LRRC1: variants seen among roughly 807,000 people sequenced by gnomAD.
LRRC1 encodes the protein leucine-rich repeat-containing protein 1.
In LRRC1, 28 loss-of-function variants were observed where a neutral mutation model predicts 69.9. That is an observed-to-expected ratio of 0.40 (90% CI 0.30 to 0.55). The LOEUF (loss-of-function observed/expected upper bound fraction) is 0.55, where lower values mean the gene tolerates loss of function less well. Among genes scored for constraint, LRRC1 ranks in the 20% least tolerant of loss-of-function variants. The pLI is 0.47. For missense variants in LRRC1, 498 were observed against 609.0 expected, an observed-to-expected ratio of 0.82 and a Z score of 1.92; for synonymous variants, 236 against 240.2, an observed-to-expected ratio of 0.98 and a Z score of 0.16.
intron 2 of LRRC1, among the ~76,000 whole-genome samples, chr6:53,867,298 G>A (rs941704969): frequency 6.6e-6 from 1 of 152,056 alleles, no homozygotes; most frequent in African/African-American, 2.4e-5. Context: ...TTATGATCAG[G>A]GTGGTAAAGG....
intron 2 of LRRC1, among the ~76,000 whole-genome samples, chr6:53,850,291 G>A (rs990051443): frequency 6.6e-6 from 1 of 152,106 alleles, no homozygotes; most frequent in Non-Finnish European, 1.5e-5. Context: ...AGAAGAAAAA[G>A]ACATTTTTGA....
intron 4 of LRRC1, among the ~76,000 whole-genome samples, chr6:53,883,788 C>T (rs1169037197): frequency 6.6e-6 from 1 of 152,192 alleles, no homozygotes; most frequent in Admixed American, 6.5e-5. Flanking sequence ...CTTGTTTGTA[C>T]CTGTCCTGCG....
intron 2 of LRRC1, among the ~76,000 whole-genome samples, chr6:53,872,730 A>C (rs1055135524): frequency 6.8e-6 from 1 of 146,892 alleles, no homozygotes; most frequent in African/African-American, 2.5e-5. Context: ...TAGTATAGAC[A>C]CTTTTAACAA....
rs562284694 is a variant in LRRC1 at position 53,901,786 on chromosome 6, A to C, written c.788-843A>C. 2.6e-5 allele frequency among the ~76,000 whole-genome samples: 4 copies of C among 152,338 alleles called. No homozygotes were observed. In the East Asian group the frequency reaches 7.7e-4, roughly 29 times the overall value. The stretch of plus-strand genomic sequence containing the variant: ...AACCCTCCAGTGACAGTGTTAGGCT[A>C]TTGATTATGCTAAATAAAGAGCTTA... On this transcript the variant is annotated intron_variant, in intron 8 of 13. Coordinates refer to ENST00000370888, the MANE Select transcript of LRRC1 (RefSeq NM_018214.5).
chr6:53,901,122 G>A (rs1341560212), intron 8 of LRRC1, among the ~76,000 whole-genome samples: 1 of 152,192 alleles, frequency 6.6e-6, no homozygotes, highest in Non-Finnish European at 1.5e-5. Context: ...GACTGGGCAT[G>A]TTTTGTTGCT....
chr6:53,895,386 A>G (rs1339488844), intron 4 of LRRC1, among the ~76,000 whole-genome samples: 1 of 152,214 alleles, frequency 6.6e-6, no homozygotes, highest in Non-Finnish European at 1.5e-5. Flanking sequence ...TACACTGTTC[A>G]TTTAAATTTA....
intron 10 of LRRC1, among the ~76,000 whole-genome samples, chr6:53,911,151 G>A (rs1162070300): frequency 4.6e-5 from 7 of 152,124 alleles, no homozygotes; most frequent in Admixed American, 2.0e-4. Flanking sequence ...ACCCCTTGAC[G>A]TCTCAAATGG....
chr6:53,816,153 A>G lies in LRRC1; in HGVS notation c.159+20738A>G, dbSNP rs1764944704. Among the ~76,000 whole-genome samples, 4 of 152,376 alleles carry G rather than the reference A, an allele frequency of 2.6e-5. No homozygotes were observed. In the South Asian group the frequency reaches 8.3e-4, roughly 32 times the overall value. On this transcript the variant is annotated intron_variant, in intron 1 of 13. Coordinates refer to ENST00000370888, the MANE Select transcript of LRRC1 (RefSeq NM_018214.5). ...TTTCAGAGGCACTTTTTAAAAAAGT[A>G]AAAGAGGCTTTAATCTTAAATACTT...
chr6:53,841,683 C>T (rs1765794754), intron 1 of LRRC1, among the ~76,000 whole-genome samples: 1 of 151,796 alleles, frequency 6.6e-6, no homozygotes, highest in Non-Finnish European at 1.5e-5. Context: ...TTCTGATATA[C>T]AATAATTTCT....
intron 2 of LRRC1, among the ~76,000 whole-genome samples, chr6:53,875,898 T>C (rs1346859234): frequency 1.3e-5 from 2 of 152,222 alleles, no homozygotes; most frequent in African/African-American, 2.4e-5. Context: ...TTAGGAACTT[T>C]CTATATCCTC....
chr6:53,854,034 T>A (rs2127420538), intron 2 of LRRC1, among the ~76,000 whole-genome samples: 1 of 152,292 alleles, frequency 6.6e-6, no homozygotes, highest in Middle Eastern at 3.4e-3. Flanking sequence ...CACAAGGAAA[T>A]TTTCTTAGTG....
At chr6:53,908,684 G>T (rs1428903594) in intron 10 of LRRC1, among the ~76,000 whole-genome samples, 2 of 152,138 alleles carry the variant, frequency 1.3e-5, no homozygotes, top group Non-Finnish European at 2.9e-5. Context: ...GGTAAAAGCA[G>T]CCTTTACTTT....
chr6:53,805,743 T>C (rs1016291761), intron 1 of LRRC1, among the ~76,000 whole-genome samples: 3 of 152,226 alleles, frequency 2.0e-5, no homozygotes, highest in Admixed American at 6.5e-5. Flanking sequence ...AGTCTGATCA[T>C]TGTTATCAAT....
chr6:53,914,618 A>T (rs540877813), intron 11 of LRRC1, among the ~76,000 whole-genome samples: 6 of 152,294 alleles, frequency 3.9e-5, no homozygotes, highest in Middle Eastern at 3.4e-3. Flanking sequence ...CCTGTTCATC[A>T]TCTTTGTGGA....
Position 53,837,680 on chromosome 6 carries a change from TATA to T in LRRC1, c.160-4422_160-4420del, listed in dbSNP as rs558382349. 9.8e-5 allele frequency among the ~76,000 whole-genome samples: 15 copies of T among 152,288 alleles called. No homozygotes were observed. In the East Asian group the frequency reaches 2.9e-3, roughly 29 times the overall value. ...GGGACAATTGACTGATCCTTGGCCATATAATAATAAAAGGGGACCCAGCTCTTC... is the reference window on the plus strand; with the variant it reads ...GGGACAATTGACTGATCCTTGGCCATATAATAAAAGGGGACCCAGCTCTTC... On this transcript the variant is annotated intron_variant, in intron 1 of 13. Coordinates refer to ENST00000370888, the MANE Select transcript of LRRC1 (RefSeq NM_018214.5).
At chr6:53,821,344 A>T (rs1765110379) in intron 1 of LRRC1, among the ~76,000 whole-genome samples, 1 of 152,210 alleles carries the variant, frequency 6.6e-6, no homozygotes, top group African/African-American at 2.4e-5. Context: ...CCATTAAAAA[A>T]TTTATAGGTT....
At chr6:53,858,293 T>C (rs1766383038) in intron 2 of LRRC1, among the ~76,000 whole-genome samples, 1 of 152,232 alleles carries the variant, frequency 6.6e-6, no homozygotes, top group African/African-American at 2.4e-5. Flanking sequence ...AAAAGCAATA[T>C]ATGGTCATTA....
intron 2 of LRRC1, among the ~76,000 whole-genome samples, chr6:53,873,025 G>A (rs959132127): frequency 6.6e-6 from 1 of 151,976 alleles, no homozygotes; most frequent in African/African-American, 2.4e-5. Flanking sequence ...CCAAAGTGCT[G>A]GGATTGCAAG....
At chr6:53,833,620 TCAG>T (rs1336269308) in intron 1 of LRRC1, among the ~76,000 whole-genome samples, 1 of 151,846 alleles carries the variant, frequency 6.6e-6, no homozygotes, top group Non-Finnish European at 1.5e-5. Flanking sequence ...AGGAAAGGAG[TCAG>T]CACTCTTTCC....
Sources: allele counts gnomAD v4.1 joint callset (sites outside exome capture counted in the v4.1 genomes callset), GRCh38; gene constraint gnomAD v4.1.1; transcripts MANE v1.5; gene names NCBI Gene and HGNC (gene_info 2026-07-23, HGNC 2026-07-21).